The following BRAF variants were observed in gnomAD, a reference collection of about 807,000 sequenced individuals.
BRAF encodes the protein B-Raf proto-oncogene, serine/threonine kinase.
A neutral mutation model predicts 104.6 loss-of-function variants in BRAF; 16 were observed. The ratio of observed to expected loss-of-function variants is 0.15; its 90% CI spans 0.10 to 0.23. BRAF has a LOEUF of 0.23. Among genes scored for constraint, BRAF ranks in the 10% least tolerant of loss-of-function variants. BRAF has a pLI of 1.00. For synonymous variants in BRAF, 310 were observed against 341.6 expected, an observed-to-expected ratio of 0.91 and a Z score of 1.02; for missense variants, 541 against 937.3, an observed-to-expected ratio of 0.58 and a Z score of 5.52.
At chr7:140,836,980 CTTTAA>C in intron 2 of BRAF, among the ~76,000 whole-genome samples, 1 of 152,262 alleles carries the variant, frequency 6.6e-6, no homozygotes, top group East Asian at 1.9e-4. Context: ...AAAATGTTAG[CTTTAA>C]TTTTTGAAAG....
chr7:140,759,048 A>AATTGTG (rs1291327983), intron 14 of BRAF, among the ~76,000 whole-genome samples: 1 of 152,232 alleles, frequency 6.6e-6, no homozygotes, highest in Non-Finnish European at 1.5e-5. Flanking sequence ...GCAGCAAAAC[A>AATTGTG]ATTGTGAGAT....
At chr7:140,782,854 G>A (rs1281528454) in intron 11 of BRAF, among the ~76,000 whole-genome samples, 167 bp downstream of exon 10, 1 of 152,150 alleles carries the variant, frequency 6.6e-6, no homozygotes, top group Non-Finnish European at 1.5e-5. Context: ...AAAAAGCAGT[G>A]CCGTAGAAAT....
Position 140,924,421 on chromosome 7 carries a change from G to C in BRAF, c.138+145C>G, listed in dbSNP as rs967958703. 9.0e-5 allele frequency: 109 copies of C among 1,212,164 alleles called. No individual in the cohort carries two copies. Among genetic ancestry groups the C allele is most frequent in the Non-Finnish European group, 1.2e-4 (108 of 866,326 alleles). 75.1% of individuals were successfully genotyped at this position (1,212,164 alleles called of 1,614,324 possible). ...CTGCATGACGGAGAGGGACACGGGG[G>C]CGATGCCCACCTCCCAGCCCGCGGA... On this transcript the variant is annotated intron_variant, in intron 1 of 19. Transcript: ENST00000644969. This position sits in a 1 kb window ranked among gnomAD's most constrained non-coding sequence, Gnocchi z 4.2.
At chr7:140,903,669 T>C (rs1310273265) in intron 1 of BRAF, among the ~76,000 whole-genome samples, 1 of 152,254 alleles carries the variant, frequency 6.6e-6, no homozygotes, top group African/African-American at 2.4e-5. Context: ...CTGATGGATC[T>C]GGGCAACATT....
chr7:140,746,034 A>G (rs911270728), intron 17 of BRAF, among the ~76,000 whole-genome samples: 3 of 152,136 alleles, frequency 2.0e-5, no homozygotes, highest in Non-Finnish European at 4.4e-5. Context: ...GATCCTTTTA[A>G]CACCCCGTAA....
At chr7:140,762,541 G>A (rs1798842839) in intron 14 of BRAF, among the ~76,000 whole-genome samples, 1 of 145,520 alleles carries the variant, frequency 6.9e-6, no homozygotes, top group Admixed American at 6.9e-5. Context: ...ACTGAAATCA[G>A]AGCAGAACTG....
intron 11 of BRAF, among the ~76,000 whole-genome samples, 189 bp from the exon 11 acceptor site, chr7:140,781,882 C>T (rs991593708): frequency 3.3e-5 from 5 of 151,928 alleles, no homozygotes; most frequent in African/African-American, 4.8e-5. Flanking sequence ...AGACTGAAGT[C>T]AATATTAGGA....
intron 3 of BRAF, among the ~76,000 whole-genome samples, chr7:140,813,854 T>C (rs1804539037): frequency 6.6e-6 from 1 of 151,924 alleles, no homozygotes; most frequent in South Asian, 2.1e-4. Context: ...CATACATGCG[T>C]GTACACACAT....
At chr7:140,812,197 G>GTGTGT (rs1804350826) in intron 3 of BRAF, among the ~76,000 whole-genome samples, 1 of 128,748 alleles carries the variant, frequency 7.8e-6, no homozygotes, top group Non-Finnish European at 1.6e-5. Flanking sequence ...TGTGTGTGAG[G>GTGTGT]GTGGGAGGGG....
Position 140,805,985 on chromosome 7 carries a change from A to G in BRAF, c.711+1975T>C, listed in dbSNP as rs530218122. Among the ~76,000 whole-genome samples, 23 of 152,314 alleles carry G rather than the reference A, an allele frequency of 1.5e-4. 1 individual carries two copies. In the East Asian group the frequency reaches 2.1e-3, roughly 14 times the overall value. On this transcript the variant is annotated intron_variant, in intron 5 of 19. Coordinates refer to ENST00000644969, the MANE Select transcript of BRAF (RefSeq NM_001374258.1). ...ACTATTACATTTCTAATTATTTTAC[A>G]GAAAAATCCAAATCTTTAATATGGC... is the stretch of plus-strand genomic sequence containing the variant.
At chr7:140,911,336 A>G (rs1816947829) in intron 1 of BRAF, among the ~76,000 whole-genome samples, 1 of 152,230 alleles carries the variant, frequency 6.6e-6, no homozygotes, top group South Asian at 2.1e-4. Context: ...GTAGCCACAT[A>G]GATACGGCTA....
At chr7:140,919,061 G>GGCAGAAAT (rs1451800742) in intron 1 of BRAF, among the ~76,000 whole-genome samples, 1 of 151,480 alleles carries the variant, frequency 6.6e-6, no homozygotes, top group African/African-American at 2.4e-5. Context: ...AAGGCAGAAA[G>GGCAGAAAT]GCGTGAACCC....
rs1013583469 is a variant in BRAF at position 140,720,336 on chromosome 7, G to A, written c.*6158C>T. On this transcript the variant is annotated 3_prime_UTR_variant, in exon 20 of 20. Coordinates refer to ENST00000644969, the MANE Select transcript of BRAF (RefSeq NM_001374258.1). ...AAGGAAACACGGAGGACCCATGGAT[G>A]CATTTTAAAATGAAGGCAGGAGAAG... The A allele has an allele frequency of 9.4e-7, 1 of 1,062,494 alleles. No homozygotes were observed. The highest frequency in any genetic ancestry group is 1.1e-6 in the Non-Finnish European group (1 of 877,578). 65.8% of individuals were successfully genotyped at this position (1,062,494 alleles called of 1,614,324 possible). A position where few individuals can be genotyped will look rare whatever the true frequency, so the allele number is the denominator to read the frequency against.
Position 140,919,611 on chromosome 7 carries a change from C to G in BRAF, c.138+4955G>C, listed in dbSNP as rs1044363009. Among the ~76,000 whole-genome samples, 9 of 151,528 alleles carry G rather than the reference C, an allele frequency of 5.9e-5. No individual in the cohort carries two copies. In the East Asian group the frequency reaches 7.8e-4, roughly 13 times the overall value. ...TAATTAAGTATGTTAGTGATTTAGG[C>G]TGGAAAAATTGAAATCGAAAAATAA... is the stretch of plus-strand genomic sequence containing the variant. On this transcript the variant is annotated intron_variant, in intron 1 of 19. Transcript: ENST00000644969.
intron 1 of BRAF, among the ~76,000 whole-genome samples, chr7:140,861,127 A>G (rs1810370725): frequency 6.6e-6 from 1 of 152,254 alleles, no homozygotes; most frequent in Non-Finnish European, 1.5e-5. Flanking sequence ...TTAAAAAAGA[A>G]ACAGGCTTTA....
chr7:140,880,804 T>TAA (rs576626707), intron 1 of BRAF, among the ~76,000 whole-genome samples: 44 of 143,748 alleles, frequency 3.1e-4, no homozygotes, highest in African/African-American at 7.3e-4. Flanking sequence ...CTGTCTCTAT[T>TAA]AAAAAAAAAA....
chr7:140,829,911 T>TA (rs1207799089), intron 3 of BRAF, among the ~76,000 whole-genome samples: 2 of 152,204 alleles, frequency 1.3e-5, no homozygotes, highest in East Asian at 3.8e-4. Flanking sequence ...GCTTCTTTAT[T>TA]AAACAGAAGT....
chr7:140,787,463 T>C, intron 9 of BRAF, 85 bp downstream of exon 9: 1 of 1,419,448 alleles, frequency 7.0e-7, no homozygotes, highest in Non-Finnish European at 9.9e-7. Context: ...GTCTGTTACT[T>C]GAAAGAGGCA....
rs11445161 is a variant in BRAF at position 140,815,432 on chromosome 7, A to ATTTTTTTTT, written c.505-6446_505-6438dup. Among the ~76,000 whole-genome samples the ATTTTTTTTT allele has an allele frequency of 1.8e-5, 2 of 111,882 alleles. 1 individual carries two copies. The highest frequency in any genetic ancestry group is 7.9e-5 in the African/African-American group (2 of 25,438). 73.4% of individuals were successfully genotyped at this position (111,882 alleles called of 152,430 possible). A position where few individuals can be genotyped will look rare whatever the true frequency, so the allele number is the denominator to read the frequency against. On this transcript the variant is annotated intron_variant, in intron 3 of 19. Coordinates refer to ENST00000644969, the MANE Select transcript of BRAF (RefSeq NM_001374258.1). ...AGTGCTAGGATTACAGGTGTGAGCC[A>ATTTTTTTTT]TTTTTTTTTTTTTTTTTTTTTGAGA...
Sources: gnomAD v4.1 joint callset for allele counts (sites outside exome capture counted in the v4.1 genomes callset) on GRCh38, gnomAD v4.1.1 for gene constraint, Gnocchi (gnomAD v3.1) non-coding constraint, MANE v1.5 for transcripts, NCBI Gene and HGNC (gene_info 2026-07-23, HGNC 2026-07-21) for gene names.